The following GPAM variants were observed in gnomAD, a reference collection of about 807,000 sequenced individuals.
The protein encoded by GPAM is glycerol-3-phosphate acyltransferase 1, mitochondrial.
In GPAM, 56 loss-of-function variants were observed where a neutral mutation model predicts 105.0. The ratio of observed to expected loss-of-function variants is 0.53; its 90% CI spans 0.43 to 0.67. The LOEUF (loss-of-function observed/expected upper bound fraction) is 0.67. Ranked by LOEUF, GPAM falls within the 30% of genes least tolerant of loss-of-function variation. GPAM has a pLI of 0.00. For missense variants in GPAM, 855 were observed against 989.8 expected (o/e 0.86, Z 1.83); for synonymous variants, 368 against 354.4 (o/e 1.04, Z -0.43).
At chr10:112,199,126 T>C (rs923054970) in intron 1 of GPAM, among the ~76,000 whole-genome samples, 2 of 151,348 alleles carry the variant, frequency 1.3e-5, no homozygotes, top group Non-Finnish European at 2.9e-5. Context: ...TGTGTGTGTG[T>C]GTGTATTTTA....
At chr10:112,212,115 TGTTAG>T (rs1295713611) in intron 1 of GPAM, among the ~76,000 whole-genome samples, 3 of 152,058 alleles carry the variant, frequency 2.0e-5, no homozygotes, top group Non-Finnish European at 4.4e-5. Flanking sequence ...TCAGAAAAGA[TGTTAG>T]GTCAGGGGTC....
At chr10:112,199,607 C>T (rs1200295544) in intron 1 of GPAM, among the ~76,000 whole-genome samples, 1 of 152,138 alleles carries the variant, frequency 6.6e-6, no homozygotes, top group Non-Finnish European at 1.5e-5. Context: ...AATCATTCCA[C>T]AATGTACATG....
chr10:112,166,547 G>T (rs1564677337), intron 11 of GPAM, 32 bp from the exon 12 acceptor site: 1 of 1,191,004 alleles, frequency 8.4e-7, no homozygotes, highest in South Asian at 1.2e-5. Context: ...AACATGGTGA[G>T]AAATAAAGCC....
chr10:112,154,068 T>C, intron 21 of GPAM: 1 of 194,036 alleles, frequency 5.2e-6, no homozygotes, highest in Non-Finnish European at 1.1e-5. Flanking sequence ...CTAGAAATTC[T>C]TGTAAAAATA....
intron 10 of GPAM, 66 bp downstream of exon 10, chr10:112,168,787 G>A: frequency 9.8e-7 from 1 of 1,022,014 alleles, no homozygotes; most frequent in Non-Finnish European, 1.6e-6. Context: ...ACTCAAAAGA[G>A]TCATTTTTCC....
At chr10:112,155,024 T>G (rs1846990232) in intron 20 of GPAM, 1 of 395,734 alleles carries the variant, frequency 2.5e-6, no homozygotes, top group Non-Finnish European at 4.8e-6. Context: ...TCAAATGAGA[T>G]AGTGTATAAA....
chr10:112,180,745 C>T, intron 3 of GPAM, 150 bp from the exon 4 acceptor site: 1 of 714,712 alleles, frequency 1.4e-6, no homozygotes, highest in Non-Finnish European at 2.4e-6. Context: ...ATGATCAACA[C>T]TTGGATAAAA....
intron 18 of GPAM, among the ~76,000 whole-genome samples, chr10:112,157,994 C>T (rs1279295484): frequency 6.6e-6 from 1 of 152,200 alleles, no homozygotes; most frequent in African/African-American, 2.4e-5. Flanking sequence ...GGCTGGAGTG[C>T]ACTGACATGA....
At chr10:112,213,974 A>G (rs945041417) in intron 1 of GPAM, among the ~76,000 whole-genome samples, 2 of 152,202 alleles carry the variant, frequency 1.3e-5, no homozygotes, top group African/African-American at 4.8e-5. Context: ...CCATAAATTT[A>G]TGAAGAGGAG....
chr10:112,170,519 G>A (rs1395951842), intron 9 of GPAM, among the ~76,000 whole-genome samples: 3 of 152,198 alleles, frequency 2.0e-5, no homozygotes, highest in African/African-American at 7.2e-5. Context: ...AGAACCAAAT[G>A]TGAAGGAAAT....
chr10:112,213,449 A>G (rs1051017475), intron 1 of GPAM, among the ~76,000 whole-genome samples: 3 of 152,190 alleles, frequency 2.0e-5, no homozygotes, highest in Non-Finnish European at 2.9e-5. Context: ...GTTAGCCATT[A>G]TCACAAGAAA....
intron 2 of GPAM, among the ~76,000 whole-genome samples, chr10:112,182,507 A>G (rs1847527249): frequency 6.6e-6 from 1 of 152,236 alleles, no homozygotes; most frequent in Non-Finnish European, 1.5e-5. Context: ...AACTCCTAGA[A>G]TAGATATTAA....
chr10:112,224,367 T>G, the GPAM span, among the ~76,000 whole-genome samples: 1 of 152,200 alleles, frequency 6.6e-6, no homozygotes, highest in African/African-American at 2.4e-5. Context: ...AAAGTAGGGA[T>G]GCATTCTTTT....
intron 4 of GPAM, among the ~76,000 whole-genome samples, chr10:112,178,896 C>G (rs1477246926): frequency 6.6e-6 from 1 of 152,168 alleles, no homozygotes; most frequent in Non-Finnish European, 1.5e-5. Context: ...GAGAAATCGT[C>G]TGTCTACTGG....
chr10:112,155,325 TGCA>T (rs1454791517), intron 20 of GPAM: 1 of 168,650 alleles, frequency 5.9e-6, no homozygotes, highest in Non-Finnish European at 1.3e-5. Flanking sequence ...GGCCAAGATG[TGCA>T]GCAAGTGAAA....
Position 112,153,622 on chromosome 10 carries a change from C to T in GPAM, c.2415G>A (p.Leu805=). The T allele has an allele frequency of 6.2e-7, 1 of 1,613,512 alleles. No individual in the cohort carries two copies. Residue 805 remains leucine (L), a synonymous_variant, in exon 22 of 22, where the codon CTG becomes CTA. Coordinates refer to ENST00000348367, the MANE Select transcript of GPAM (RefSeq NM_001244949.2). The stretch of plus-strand genomic sequence containing the variant: ...TGCATTGAGGTAGAAAAGTGCTGCT[C>T]AGTTCTAAAACAGACACTCTCTTTT... ...TKQKRVSVLE[L]SSTFLPQCNR...
At chr10:112,164,829 A>G (rs1024141199) in intron 12 of GPAM, among the ~76,000 whole-genome samples, 6 of 152,226 alleles carry the variant, frequency 3.9e-5, no homozygotes, top group Admixed American at 3.9e-4. Context: ...TGAAGACACA[A>G]AGAATAGGAT....
intron 10 of GPAM, 140 bp from the exon 11 acceptor site, chr10:112,168,664 A>G: frequency 2.8e-6 from 2 of 726,600 alleles, no homozygotes; most frequent in East Asian, 2.7e-5. Flanking sequence ...CACTAATAAA[A>G]CAGCTCCTCC....
At position 112,153,412 on chromosome 10, in the gene GPAM, G is replaced by A. The variant is rs1208602629; in HGVS notation, c.*138C>T. 3.8e-6 allele frequency: 6 copies of A among 1,587,200 alleles called. No homozygotes were observed. Among genetic ancestry groups the A allele is most frequent in the African/African-American group, 2.7e-5 (2 of 74,524 alleles). On this transcript the variant is annotated 3_prime_UTR_variant, in exon 22 of 22. Coordinates refer to ENST00000348367, the MANE Select transcript of GPAM (RefSeq NM_001244949.2). ...GATCACAGATCCATGGAGGGAGAAG[G>A]CACTTGTCTTCCAGGAGATCACTTC... is the stretch of plus-strand genomic sequence containing the variant.
Sources: gnomAD v4.1 joint callset for allele counts (sites outside exome capture counted in the v4.1 genomes callset) on GRCh38, gnomAD v4.1.1 for gene constraint, MANE v1.5 for transcripts, NCBI Gene and HGNC (gene_info 2026-07-23, HGNC 2026-07-21) for gene names.